Variants in SLC35D4 observed in about 807,000 individuals in gnomAD.
The protein encoded by SLC35D4 is UDP-N-acetylglucosamine transporter SLC35D4.
chr18:23,413,058 G>A, the SLC35D4 span, among the ~76,000 whole-genome samples: 2 of 152,070 alleles, frequency 1.3e-5, no homozygotes, highest in African/African-American at 4.8e-5. Context: ...TTAAAGAGAT[G>A]GGGTCTCACT....
At chr18:23,379,584 T>C in the SLC35D4 span, among the ~76,000 whole-genome samples, 913 of 152,260 alleles carry the variant, frequency 6.0e-3, 11 homozygotes, top group African/African-American at 0.021. Flanking sequence ...AAAAGGCCCC[T>C]TCCATGGAGG....
chr18:23,265,553 T>C, the SLC35D4 span, among the ~76,000 whole-genome samples: 1 of 134,860 alleles, frequency 7.4e-6, no homozygotes, highest in Non-Finnish European at 1.6e-5. Flanking sequence ...ATCACATGGC[T>C]CTCAAAAAAA....
the SLC35D4 span, among the ~76,000 whole-genome samples, chr18:23,295,709 G>C: frequency 4.6e-5 from 7 of 152,154 alleles, no homozygotes; most frequent in Non-Finnish European, 7.3e-5. Flanking sequence ...ACAAGTTGGG[G>C]AACACATGCA....
chr18:23,370,105 G>T, the SLC35D4 span: 1 of 850,070 alleles, frequency 1.2e-6, no homozygotes, highest in South Asian at 1.8e-5. Context: ...CTTGAACCCG[G>T]GGGGTGGAGG....
At chr18:23,378,484 G>A in the SLC35D4 span, among the ~76,000 whole-genome samples, 1 of 152,050 alleles carries the variant, frequency 6.6e-6, no homozygotes, top group Admixed American at 6.5e-5. Context: ...CGAGAGACAA[G>A]GGAAAAAAAG....
At chr18:23,299,086 A>C in the SLC35D4 span, among the ~76,000 whole-genome samples, 1 of 152,266 alleles carries the variant, frequency 6.6e-6, no homozygotes, top group African/African-American at 2.4e-5. Context: ...TGAACTGACT[A>C]TGAGTGAGAA....
At chr18:23,239,369 T>C in the SLC35D4 span, among the ~76,000 whole-genome samples, 1 of 152,258 alleles carries the variant, frequency 6.6e-6, no homozygotes, top group Non-Finnish European at 1.5e-5. Context: ...TGGAGACCTA[T>C]GTTTCCTATT....
the SLC35D4 span, among the ~76,000 whole-genome samples, chr18:23,242,530 G>A: frequency 6.6e-6 from 1 of 152,202 alleles, no homozygotes; most frequent in Non-Finnish European, 1.5e-5. Flanking sequence ...CAGGTCGGTA[G>A]TGGGTTTTTG....
the SLC35D4 span, among the ~76,000 whole-genome samples, chr18:23,339,491 A>G: frequency 6.6e-6 from 1 of 152,230 alleles, no homozygotes; most frequent in East Asian, 1.9e-4. Context: ...TACCAGATAC[A>G]ATAGTCAGCA....
the SLC35D4 span, among the ~76,000 whole-genome samples, chr18:23,424,588 C>T: frequency 6.6e-6 from 1 of 152,160 alleles, no homozygotes; most frequent in African/African-American, 2.4e-5. Flanking sequence ...TCGCTAAGTC[C>T]CTCTACCTTT....
chr18:23,377,683 TA>T, the SLC35D4 span: 1 of 1,567,032 alleles, frequency 6.4e-7, no homozygotes, highest in Admixed American at 2.0e-5. Context: ...TGCATAAAAG[TA>T]AAGAAACATA....
At chr18:23,329,714 C>T in the SLC35D4 span, among the ~76,000 whole-genome samples, 288 of 152,092 alleles carry the variant, frequency 1.9e-3, 1 homozygote, top group Non-Finnish European at 3.1e-3. Context: ...GGGTATATAC[C>T]CAAAGGATTA....
At chr18:23,290,319 G>A in the SLC35D4 span, among the ~76,000 whole-genome samples, 1 of 152,372 alleles carries the variant, frequency 6.6e-6, no homozygotes, top group East Asian at 1.9e-4. Context: ...ATGGGGGCCT[G>A]ATTGCCCTGG....
At chr18:23,370,132 C>A in the SLC35D4 span, 197 of 1,223,754 alleles carry the variant, frequency 1.6e-4, no homozygotes, top group Non-Finnish European at 2.1e-4. Flanking sequence ...TGAGCTGAGA[C>A]CGCGCCATTG....
chr18:23,312,129 G>A, the SLC35D4 span, among the ~76,000 whole-genome samples: 8 of 152,070 alleles, frequency 5.3e-5, no homozygotes, highest in Non-Finnish European at 1.0e-4. Flanking sequence ...TTCTCTCCTT[G>A]TTCTCTGACT....
the SLC35D4 span, among the ~76,000 whole-genome samples, chr18:23,254,308 C>G: frequency 6.6e-6 from 1 of 152,218 alleles, no homozygotes; most frequent in East Asian, 1.9e-4. Context: ...CCTTGGCTTC[C>G]TACTTCCTTA....
chr18:23,426,001 A>C, the SLC35D4 span, among the ~76,000 whole-genome samples: 2 of 152,214 alleles, frequency 1.3e-5, no homozygotes, highest in South Asian at 4.1e-4. Context: ...ATAAGGCAAA[A>C]GGAAGGATTA....
the SLC35D4 span, among the ~76,000 whole-genome samples, chr18:23,308,876 C>CTCTCTCTCTGTGTG: frequency 7.1e-6 from 1 of 139,986 alleles, no homozygotes; most frequent in African/African-American, 2.7e-5. Context: ...CTCTCTCTCT[C>CTCTCTCTCTGTGTG]TGTGTGTGTG....
chr18:23,405,947 C>T, the SLC35D4 span, among the ~76,000 whole-genome samples: 1 of 152,274 alleles, frequency 6.6e-6, no homozygotes, highest in East Asian at 1.9e-4. Flanking sequence ...AGCATAGAGA[C>T]AAGGTAAAGA....
Sources: gnomAD v4.1 joint callset for allele counts (sites outside exome capture counted in the v4.1 genomes callset) on GRCh38, gnomAD v4.1.1 for gene constraint, MANE v1.5 for transcripts, NCBI Gene and HGNC (gene_info 2026-07-23, HGNC 2026-07-21) for gene names.